Variants in RHOH observed in about 807,000 individuals in gnomAD.
RHOH encodes rho-related GTP-binding protein RhoH.
RHOH carries 6 observed loss-of-function variants against 13.8 expected under a neutral mutation model. That is an observed-to-expected ratio of 0.44 (90% CI 0.24 to 0.86). The LOEUF (loss-of-function observed/expected upper bound fraction) is 0.86. RHOH is among the 40% of genes least tolerant of loss of function. RHOH has a pLI of 0.24. For missense variants in RHOH, 147 were observed against 244.5 expected (o/e 0.60, Z 2.66); for synonymous variants, 117 against 103.0 (o/e 1.14, Z -0.82).
Position 40,226,695 on chromosome 4 carries a change from A to G in RHOH, c.-330-16019A>G, listed in dbSNP as rs145508181. ...CTGGGCTGCATATCCAGAACAAATTATTAAATGCCTTGACTTCTTTTATAG... is the reference window on the plus strand; with the variant it reads ...CTGGGCTGCATATCCAGAACAAATTGTTAAATGCCTTGACTTCTTTTATAG... On this transcript the variant is annotated intron_variant, in intron 1 of 2. Coordinates refer to ENST00000381799, the MANE Select transcript of RHOH (RefSeq NM_004310.5). Among the ~76,000 whole-genome samples, 1,333 of 152,296 alleles carry G rather than the reference A, an allele frequency of 8.8e-3. 15 individuals carry two copies. Among genetic ancestry groups the G allele is most frequent in the African/African-American group, 0.03 (1,251 of 41,554 alleles).
chr4:40,205,918 G>A (rs1292840693), intron 1 of RHOH: 1 of 152,100 alleles, frequency 6.6e-6, no homozygotes, highest in Non-Finnish European at 1.5e-5. Flanking sequence ...TAACAAATAT[G>A]TTCCAGTAAT....
In RHOH at chr4:40,226,579, A is replaced by G. The variant is rs564856500; in HGVS notation, c.-330-16135A>G. Among the ~76,000 whole-genome samples the G allele has an allele frequency of 2.1e-4, 32 of 151,988 alleles. 1 individual carries two copies. In the South Asian group the frequency reaches 6.7e-3, roughly 32 times the overall value. On this transcript the variant is annotated intron_variant, in intron 1 of 2. Coordinates refer to ENST00000381799, the MANE Select transcript of RHOH (RefSeq NM_004310.5). ...AAAAAATATCTAACCGTGACTGTCA[A>G]CTCCACAACATGGGCCCTTTGCAAA... is the stretch of plus-strand genomic sequence containing the variant.
At chr4:40,202,031 G>T (rs1016805793) in intron 1 of RHOH, among the ~76,000 whole-genome samples, 2 of 144,480 alleles carry the variant, frequency 1.4e-5, no homozygotes, top group African/African-American at 5.2e-5. Context: ...AGCTCACTCA[G>T]CCTTGACCTC....
intron 1 of RHOH, among the ~76,000 whole-genome samples, chr4:40,233,945 AAAATAAAATAAAATAAAATG>A (rs1728252122): frequency 6.6e-6 from 1 of 151,612 alleles, no homozygotes; most frequent in Non-Finnish European, 1.5e-5. Flanking sequence ...AAAATAAAAT[AAAATAAAATAAAATAAAATG>A]AAATAAAATG....
At chr4:40,206,452 A>G (rs1724645779) in intron 1 of RHOH, among the ~76,000 whole-genome samples, 1 of 152,200 alleles carries the variant, frequency 6.6e-6, no homozygotes, top group Non-Finnish European at 1.5e-5. Flanking sequence ...AGGAAACTCA[A>G]TATATTTAGA....
chr4:40,243,709 G>A lies in RHOH; in HGVS notation c.323G>A (p.Cys108Tyr), dbSNP rs1253967818. 6.2e-7 allele frequency: 1 copy of A among 1,614,158 alleles called. No homozygotes were observed. The change falls in exon 3 of 3, where the codon TGT becomes TAT. Residue 108 changes from cysteine to tyrosine, a missense_variant. By Grantham distance (194) the Cys-to-Tyr change is radical. Coordinates refer to ENST00000381799, the MANE Select transcript of RHOH (RefSeq NM_004310.5). The surrounding 1 kb of genome is among the most constrained non-coding windows in gnomAD (Gnocchi z 6.2). ...WIGEIRSNLP[C>Y]TPVLVVATQT... is the part of the protein sequence containing the mutation. ...GGTGAAATTAGGAGCAACTTGCCCTGTACCCCTGTGCTGGTGGTGGCCACC... is the reference window on the plus strand; with the variant it reads ...GGTGAAATTAGGAGCAACTTGCCCTATACCCCTGTGCTGGTGGTGGCCACC...
At chr4:40,224,359 T>C (rs1726976937) in intron 1 of RHOH, among the ~76,000 whole-genome samples, 1 of 152,238 alleles carries the variant, frequency 6.6e-6, no homozygotes, top group Admixed American at 6.5e-5. Context: ...GCAATGGAAA[T>C]TCTTGCATAT....
At chr4:40,230,593 A>G (rs1427796207) in intron 1 of RHOH, among the ~76,000 whole-genome samples, 1 of 151,486 alleles carries the variant, frequency 6.6e-6, no homozygotes, top group Non-Finnish European at 1.5e-5. Context: ...TCTCTACTAA[A>G]AGTGATCCAC....
intron 1 of RHOH, 21 bp downstream of exon 1, chr4:40,197,321 A>G (rs1723274475): frequency 6.6e-6 from 1 of 152,190 alleles, no homozygotes; most frequent in African/African-American, 2.4e-5. Context: ...TGCTTCCTTA[A>G]AAGTATTTCT....
At chr4:40,207,704 C>T (rs1260579144) in intron 1 of RHOH, among the ~76,000 whole-genome samples, 2 of 152,228 alleles carry the variant, frequency 1.3e-5, no homozygotes, top group African/African-American at 2.4e-5. Context: ...CTGTGGCTCA[C>T]GCCTGTAATC....
intron 1 of RHOH, among the ~76,000 whole-genome samples, chr4:40,220,437 C>T (rs1225778003): frequency 6.6e-6 from 1 of 152,154 alleles, no homozygotes; most frequent in Non-Finnish European, 1.5e-5. Context: ...TGCGTCTCCT[C>T]TCTTTAATTT....
intron 1 of RHOH, among the ~76,000 whole-genome samples, chr4:40,202,078 G>A (rs1724082746): frequency 6.7e-6 from 1 of 149,748 alleles, no homozygotes; most frequent in Non-Finnish European, 1.5e-5. Flanking sequence ...AGCCTCCCAA[G>A]TAGCTGGGAC....
chr4:40,233,487 C>T (rs1175151984), intron 1 of RHOH, among the ~76,000 whole-genome samples: 1 of 152,178 alleles, frequency 6.6e-6, no homozygotes, highest in Non-Finnish European at 1.5e-5. Flanking sequence ...AAGTGGCAGA[C>T]ATTGGAGCCA....
rs530990974 is a variant in RHOH, at chr4:40,225,595, G to GCAAA, written c.-330-17118_-330-17115dup. On this transcript the variant is annotated intron_variant, in intron 1 of 2. Coordinates refer to ENST00000381799, the MANE Select transcript of RHOH (RefSeq NM_004310.5). Reference sequence around the variant, plus strand: ...GCTGGATTCTGTTCAAGTGCGCTCTGCAAAGATGGTGGTCTTCTGCTCATC... The same window carrying GCAAA: ...GCTGGATTCTGTTCAAGTGCGCTCTGCAAACAAAGATGGTGGTCTTCTGCTCATC... 9.8e-5 allele frequency among the ~76,000 whole-genome samples: 15 copies of GCAAA among 152,304 alleles called. No individual in the cohort carries two copies. In the South Asian group the frequency reaches 3.1e-3, roughly 32 times the overall value.
intron 1 of RHOH, among the ~76,000 whole-genome samples, chr4:40,219,989 TAGGTA>T (rs1316773097): frequency 2.0e-5 from 3 of 152,202 alleles, no homozygotes; most frequent in Non-Finnish European, 2.9e-5. Flanking sequence ...CTGCATTGGC[TAGGTA>T]AAGCAGGGAC....
Position 40,220,788 on chromosome 4 carries a change from T to C in RHOH, c.-330-21926T>C, listed in dbSNP as rs7687418. Among the ~76,000 whole-genome samples the C allele has an allele frequency of 5.9e-3, 906 of 152,314 alleles. 11 individuals are homozygous for C. The highest frequency in any genetic ancestry group is 0.02 in the African/African-American group (848 of 41,576). On this transcript the variant is annotated intron_variant, in intron 1 of 2. Transcript: ENST00000381799. Reference sequence around the variant, plus strand: ...GAAATGTCATGTTAATAGAACACTATATATGCGTAAGCAATGAACTGAACC... The same window carrying C: ...GAAATGTCATGTTAATAGAACACTACATATGCGTAAGCAATGAACTGAACC...
chr4:40,203,521 A>AGT lies in RHOH; in HGVS notation c.-331+6243_-331+6244dup, dbSNP rs142926219. Among the ~76,000 whole-genome samples the AGT allele has an allele frequency of 4.6e-3, 671 of 147,222 alleles. 1 individual carries two copies. The highest frequency in any genetic ancestry group is 7.1e-3 in the South Asian group (33 of 4,632). On this transcript the variant is annotated intron_variant, in intron 1 of 2. Coordinates refer to ENST00000381799, the MANE Select transcript of RHOH (RefSeq NM_004310.5). ...TTTGTCCAGGGAAGGTATATCTGTG[A>AGT]GTGTGTGTGTGTGTGTGTGTGTGAG... is the stretch of plus-strand genomic sequence containing the variant.
At chr4:40,226,385 G>A (rs779427216) in intron 1 of RHOH, among the ~76,000 whole-genome samples, 19 of 152,082 alleles carry the variant, frequency 1.2e-4, no homozygotes, top group Non-Finnish European at 2.6e-4. Flanking sequence ...AATTAGCTGG[G>A]TGTGGTGGCG....
At chr4:40,236,030 C>A (rs1728536822) in intron 1 of RHOH, among the ~76,000 whole-genome samples, 1 of 150,658 alleles carries the variant, frequency 6.6e-6, no homozygotes, top group African/African-American at 2.4e-5. Flanking sequence ...GGAAAAATGT[C>A]TTGAAACTGG....
Sources: gnomAD v4.1 joint callset for allele counts (sites outside exome capture counted in the v4.1 genomes callset) on GRCh38, gnomAD v4.1.1 for gene constraint, Gnocchi (gnomAD v3.1) non-coding constraint, MANE v1.5 for transcripts, NCBI Gene and HGNC (gene_info 2026-07-23, HGNC 2026-07-21) for gene names.